The following CWF19L1 variants were observed in gnomAD, a reference collection of about 807,000 sequenced individuals.
CWF19L1 encodes CWF19 like cell cycle control factor 1, also known as CWF19-like protein 1.
In CWF19L1, 60 loss-of-function variants were observed where a neutral mutation model predicts 69.7. The observed-to-expected ratio is 0.86, with a 90% confidence interval of 0.70 to 1.07. CWF19L1 has a LOEUF of 1.07. CWF19L1 is among the 50% of genes least tolerant of loss of function. The probability of loss-of-function intolerance (pLI) is 0.00; values close to 1 mark genes in which losing one functional copy is unlikely to be tolerated. For missense variants in CWF19L1, 591 were observed against 638.9 expected (o/e 0.92, Z 0.81); for synonymous variants, 209 against 222.2 (o/e 0.94, Z 0.53).
intron 9 of CWF19L1, 89 bp downstream of exon 9, chr10:100,245,710 G>T (rs534085649): frequency 1.1e-5 from 10 of 907,826 alleles, no homozygotes; most frequent in African/African-American, 1.7e-5. Context: ...CCTGCCAGAA[G>T]AGGCTCTCTT....
chr10:100,236,505 G>C (rs1226463037), intron 12 of CWF19L1, among the ~76,000 whole-genome samples: 2 of 152,104 alleles, frequency 1.3e-5, no homozygotes, highest in African/African-American at 4.8e-5. Flanking sequence ...GCCAGGCGTG[G>C]GTGGCTCATG....
At chr10:100,250,653 C>T (rs1846995613) in intron 6 of CWF19L1, among the ~76,000 whole-genome samples, 1 of 152,128 alleles carries the variant, frequency 6.6e-6, no homozygotes, top group South Asian at 2.1e-4. Flanking sequence ...TTTCACTTTA[C>T]TATTGCCTCT....
Position 100,267,580 on chromosome 10 carries a change from G to C in CWF19L1, c.14C>G (p.Pro5Arg). Residue 5 changes from proline to arginine, a missense_variant, in exon 1 of 14, where the codon CCG becomes CGG. Transcript: ENST00000354105. MAQK[P>R]LRLLACGDVE... The stretch of plus-strand genomic sequence containing the variant: ...ATTCACGGTCACTCACAGGCGCAGC[G>C]GTTTCTGTGCCATCTGTCCGAATAG... The C allele has an allele frequency of 6.2e-7, 1 of 1,614,188 alleles. No individual in the cohort carries two copies. The highest frequency in any genetic ancestry group is 8.5e-7 in the Non-Finnish European group (1 of 1,180,034).
intron 12 of CWF19L1, among the ~76,000 whole-genome samples, chr10:100,236,309 T>C (rs1253449225): frequency 6.6e-6 from 1 of 151,870 alleles, no homozygotes; most frequent in East Asian, 1.9e-4. Context: ...GTGTCTCACT[T>C]TGTTGCCCAG....
chr10:100,260,452 A>G (rs1392112461), intron 3 of CWF19L1, 133 bp from the exon 4 acceptor site: 1 of 555,334 alleles, frequency 1.8e-6, no homozygotes, highest in East Asian at 3.1e-5. Context: ...ATATTTAGCA[A>G]TCCTAAATGT....
intron 1 of CWF19L1, among the ~76,000 whole-genome samples, chr10:100,264,032 G>T (rs1445824599): frequency 6.6e-6 from 1 of 152,180 alleles, no homozygotes; most frequent in Non-Finnish European, 1.5e-5. Context: ...TGTAATGGTG[G>T]TCCCATAAGA....
At chr10:100,249,995 AG>A in intron 7 of CWF19L1, 1 of 484,590 alleles carries the variant, frequency 2.1e-6, no homozygotes, top group Non-Finnish European at 3.7e-6. Context: ...GTGGAAGTAA[AG>A]GAACACTGTT....
intron 6 of CWF19L1, among the ~76,000 whole-genome samples, chr10:100,250,716 CA>C (rs1241528434): frequency 6.6e-6 from 1 of 152,018 alleles, no homozygotes; most frequent in Non-Finnish European, 1.5e-5. Context: ...GAGGCTGAGA[CA>C]GGAGGACTGC....
At position 100,236,806 on chromosome 10, in the gene CWF19L1, A is replaced by C. The variant is rs74616836; in HGVS notation, c.1374+44T>G. The C allele has an allele frequency of 1.6e-5, 24 of 1,538,668 alleles. No homozygotes were observed. In the South Asian group the frequency reaches 1.9e-4, roughly 12 times the overall value. On this transcript the variant is annotated intron_variant, in intron 12 of 13. Transcript: ENST00000354105. ...CAAACAACAAACAACAACAAAAAAA[A>C]CAGATATTTACTCTTCCCTGAATAT...
intron 4 of CWF19L1, among the ~76,000 whole-genome samples, chr10:100,256,788 C>T (rs1847227500): frequency 6.6e-6 from 1 of 152,134 alleles, no homozygotes; most frequent in Non-Finnish European, 1.5e-5. Flanking sequence ...AGGCTTTCTG[C>T]GTTCTAGAGA....
At chr10:100,238,932 CAAA>C (rs397845145) in intron 10 of CWF19L1, among the ~76,000 whole-genome samples, 38 of 68,554 alleles carry the variant, frequency 5.5e-4, no homozygotes, top group Admixed American at 8.8e-4. Flanking sequence ...ACTCCGTCTC[CAAA>C]AAAAAAAAAA....
Position 100,245,859 on chromosome 10 carries a change from G to T in CWF19L1, c.904C>A (p.Arg302Ser), listed in dbSNP as rs199591943. ...TTGCTATCTCTACCTGTGGATGAAC[G>T]CTTCCTTCCCTGCTTTTCATTTAAA... Reference protein sequence around the residue: ...FDLNEKQGRKRSSTGRDSKSS... With the variant: ...FDLNEKQGRKSSSTGRDSKSS... The change falls in exon 9 of 14, where the codon CGT (arginine) becomes AGT (serine). Residue 302 changes from arginine to serine, a missense_variant. Arg to Ser is a moderately radical substitution (Grantham distance 110). Coordinates refer to ENST00000354105, the MANE Select transcript of CWF19L1 (RefSeq NM_018294.6). 3 of 1,614,176 alleles carry T rather than the reference G, an allele frequency of 1.9e-6. No individual in the cohort carries two copies. In the South Asian group the frequency reaches 3.3e-5, roughly 18 times the overall value.
At chr10:100,245,025 CTT>C (rs5787375) in intron 9 of CWF19L1, among the ~76,000 whole-genome samples, 41 of 142,754 alleles carry the variant, frequency 2.9e-4, no homozygotes, top group Non-Finnish European at 4.3e-4. Flanking sequence ...AGAATATCAA[CTT>C]TTTTTTTTTT....
chr10:100,267,363 G>A, intron 1 of CWF19L1: 2 of 938,886 alleles, frequency 2.1e-6, no homozygotes, highest in Non-Finnish European at 2.5e-6. Flanking sequence ...AACGAGCGTC[G>A]CCAAGAGAAA....
chr10:100,267,338 G>C, intron 1 of CWF19L1: 3 of 748,834 alleles, frequency 4.0e-6, no homozygotes, highest in Non-Finnish European at 4.9e-6. Context: ...AACTCTGGGA[G>C]CTTCCGCCTC....
intron 11 of CWF19L1, among the ~76,000 whole-genome samples, chr10:100,237,812 A>G (rs973002709): frequency 6.6e-6 from 1 of 151,744 alleles, no homozygotes; most frequent in Non-Finnish European, 1.5e-5. Flanking sequence ...ACGCCCAGCT[A>G]ATTTTTTTGT....
chr10:100,262,088 T>C (rs1205098816), intron 1 of CWF19L1, 25 bp from the exon 2 acceptor site: 5 of 1,596,976 alleles, frequency 3.1e-6, no homozygotes, highest in Middle Eastern at 1.7e-4. Context: ...ATAAACATTA[T>C]AGCAATTCAG....
rs201282546 is a variant in CWF19L1 at position 100,243,741 on chromosome 10, C to G, written c.1001G>C (p.Ser334Thr). 1.9e-6 allele frequency: 3 copies of G among 1,614,178 alleles called. No homozygotes were observed. The African/African-American group carries it at 4.0e-5, about 22-fold the overall frequency. The change falls in exon 10 of 14, where the codon AGC becomes ACC. Residue 334 changes from serine (S) to threonine (T), a missense_variant. Physicochemically the swap from Ser to Thr is moderately conservative, Grantham distance 58. Transcript: ENST00000354105. ...PPGPCWFCLA[S>T]PEVEKHLVVN... ...CACCAAATGTTTTTCCACTTCAGGG[C>G]TAGCAAGGCAAAACCAGCAGGGTCC...
At chr10:100,255,946 C>CA (rs1419130519) in intron 5 of CWF19L1, among the ~76,000 whole-genome samples, 1 of 151,356 alleles carries the variant, frequency 6.6e-6, no homozygotes, top group Non-Finnish European at 1.5e-5. Context: ...AAACAAAAAA[C>CA]AAAAAACAAA....
Sources: allele counts gnomAD v4.1 joint callset (sites outside exome capture counted in the v4.1 genomes callset), GRCh38; gene constraint gnomAD v4.1.1; transcripts MANE v1.5; gene names NCBI Gene and HGNC (gene_info 2026-07-23, HGNC 2026-07-21).